Variants in PCLO observed in about 807,000 individuals in gnomAD.
PCLO encodes protein piccolo.
In PCLO, 82 loss-of-function variants were observed where a neutral mutation model predicts 427.5. The ratio of observed to expected loss-of-function variants is 0.19; its 90% confidence interval spans 0.16 to 0.23. The LOEUF is 0.23. Ranked by LOEUF, PCLO falls within the 10% of genes least tolerant of loss-of-function variation. PCLO has a pLI of 1.00. For missense variants in PCLO, 6,239 were observed against 6,115.9 expected (o/e 1.02, Z -0.67); for synonymous variants, 2,357 against 2,155.4 (o/e 1.09, Z -2.59).
intron 10 of PCLO, among the ~76,000 whole-genome samples, chr7:82,849,777 T>C (rs1426924606): frequency 6.6e-6 from 1 of 152,122 alleles, no homozygotes; most frequent in East Asian, 1.9e-4. Flanking sequence ...ATCTTGTCAT[T>C]TAATAGGTTT....
intron 6 of PCLO, among the ~76,000 whole-genome samples, chr7:82,918,058 G>C (rs1794509127): frequency 6.6e-6 from 1 of 151,792 alleles, no homozygotes; most frequent in Non-Finnish European, 1.5e-5. Context: ...AATCCTAAAG[G>C]TTTATTGAAG....
At chr7:82,945,610 T>C (rs879676939) in intron 6 of PCLO, among the ~76,000 whole-genome samples, 12 of 152,134 alleles carry the variant, frequency 7.9e-5, no homozygotes, top group Non-Finnish European at 1.0e-4. Flanking sequence ...GCCACCCAGT[T>C]TGTGGTACTG....
Position 82,955,312 on chromosome 7 carries a change from G to C in PCLO, c.5641C>G (p.Gln1881Glu), listed in dbSNP as rs1264503541. 1.9e-6 allele frequency: 3 copies of C among 1,613,296 alleles called. No homozygotes were observed. Among genetic ancestry groups the C allele is most frequent in the South Asian group, 2.2e-5 (2 of 90,952 alleles). ...GCTGTGGGCAATTTATAAACTTTTT[G>C]TACTTCTATTATTTTTTCCGGGCTT... ...EISPEKIIEVQKVYKLPTAVS... is the reference protein window; with the variant it reads ...EISPEKIIEVEKVYKLPTAVS... The change falls in exon 5 of 25, where the codon CAA becomes GAA. Residue 1881 changes from glutamine to glutamate, a missense_variant. Coordinates refer to ENST00000333891, the MANE Select transcript of PCLO (RefSeq NM_033026.6).
At chr7:83,040,450 A>G (rs1247460092) in intron 3 of PCLO, among the ~76,000 whole-genome samples, 3 of 152,110 alleles carry the variant, frequency 2.0e-5, no homozygotes, top group Admixed American at 2.0e-4. Context: ...GTTGTTTTCA[A>G]CAACGTCCTG....
At position 82,827,882 on chromosome 7, in the gene PCLO, G is replaced by T; in HGVS notation, c.14334C>A (p.Ser4778=). ...WNQTVIYKSI[S]MEQLKKKTLE... ...AATAATCTTGACATACCTGTTCCAT[G>T]GAAATACTTTTATAAATTACTGTTT... The change falls in exon 17 of 25, where the codon TCC becomes TCA. Residue 4778 remains serine, a synonymous_variant. Coordinates refer to ENST00000333891, the MANE Select transcript of PCLO (RefSeq NM_033026.6). The T allele has an allele frequency of 6.4e-7, 1 of 1,551,050 alleles. No homozygotes were observed. Among genetic ancestry groups the T allele is most frequent in the Non-Finnish European group, 8.9e-7 (1 of 1,125,658 alleles).
At chr7:82,943,750 G>A (rs958642102) in intron 6 of PCLO, among the ~76,000 whole-genome samples, 1 of 151,942 alleles carries the variant, frequency 6.6e-6, no homozygotes, top group African/African-American at 2.4e-5. Context: ...TCATAAACAT[G>A]GTACTAGAGA....
intron 9 of PCLO, among the ~76,000 whole-genome samples, chr7:82,883,154 T>A (rs1031482488): frequency 5.9e-5 from 9 of 152,038 alleles, no homozygotes; most frequent in African/African-American, 2.2e-4. Flanking sequence ...TATCCTAGAA[T>A]AAAAATATAT....
At chr7:83,125,044 G>A (rs544453551) in intron 3 of PCLO, among the ~76,000 whole-genome samples, 72 of 152,226 alleles carry the variant, frequency 4.7e-4, no homozygotes, top group African/African-American at 1.6e-3. Flanking sequence ...ACGGAGTCTC[G>A]CTTACTCAGT....
At chr7:82,943,174 T>C (rs1795123344) in intron 6 of PCLO, among the ~76,000 whole-genome samples, 1 of 152,156 alleles carries the variant, frequency 6.6e-6, no homozygotes, top group South Asian at 2.1e-4. Context: ...GCAAAGCATA[T>C]TCTTGTAAAA....
intron 9 of PCLO, among the ~76,000 whole-genome samples, chr7:82,897,688 T>A (rs1416527672): frequency 6.6e-6 from 1 of 151,514 alleles, no homozygotes; most frequent in Non-Finnish European, 1.5e-5. Context: ...ATACCATGGA[T>A]GACAAATGAA....
At chr7:82,902,524 T>A in intron 9 of PCLO, 127 bp downstream of exon 9, 1 of 591,008 alleles carries the variant, frequency 1.7e-6, no homozygotes. Context: ...CATGTATACA[T>A]ATGTAACTAA....
At chr7:83,099,816 A>T (rs548058636) in intron 3 of PCLO, among the ~76,000 whole-genome samples, 6 of 144,458 alleles carry the variant, frequency 4.2e-5, no homozygotes, top group African/African-American at 1.5e-4. Flanking sequence ...ACTCCATAAA[A>T]CACCTCTAAC....
intron 3 of PCLO, among the ~76,000 whole-genome samples, chr7:83,112,404 T>TA (rs1245798220): frequency 6.6e-6 from 1 of 152,184 alleles, no homozygotes; most frequent in Non-Finnish European, 1.5e-5. Flanking sequence ...ACAATCTAGC[T>TA]ACTGGGTATC....
rs202008590 is a variant in PCLO, at chr7:82,915,207, A to G, written c.12779T>C (p.Leu4260Pro). The G allele has an allele frequency of 9.1e-5, 146 of 1,612,244 alleles. No individual in the cohort carries two copies. The highest frequency in any genetic ancestry group is 8.3e-4 in the Middle Eastern group (5 of 6,054). ...TCCTAATGTGCCCAGTCCTGTGCCA[A>G]GAGAAGATCCCATAAATTTTTGTTG... ...TDQQKFMGSS[L>P]GTGLGTLGNT... Residue 4260 changes from leucine to proline, a missense_variant, in exon 7 of 25, where the codon CTT becomes CCT. Physicochemically the swap from Leu to Pro is moderately conservative, Grantham distance 98. Coordinates refer to ENST00000333891, the MANE Select transcript of PCLO (RefSeq NM_033026.6).
At chr7:83,038,327 A>G (rs1318949772) in intron 3 of PCLO, among the ~76,000 whole-genome samples, 1 of 151,042 alleles carries the variant, frequency 6.6e-6, no homozygotes, top group Non-Finnish European at 1.5e-5. Flanking sequence ...AATTATTTTT[A>G]TAACTTCAAA....
intron 3 of PCLO, among the ~76,000 whole-genome samples, chr7:83,116,230 G>T (rs1401009491): frequency 6.6e-6 from 1 of 151,214 alleles, no homozygotes; most frequent in Non-Finnish European, 1.5e-5. Context: ...TAATCTCAGA[G>T]TCATGTTCAC....
intron 3 of PCLO, among the ~76,000 whole-genome samples, chr7:82,998,678 C>A (rs535511252): frequency 6.6e-6 from 1 of 152,010 alleles, no homozygotes; most frequent in East Asian, 1.9e-4. Context: ...TTAGAGAATG[C>A]TTTCTCTGCC....
At position 83,134,365 on chromosome 7, in the gene PCLO, C is replaced by A. The variant is rs368907875; in HGVS notation, c.3185G>T (p.Cys1062Phe). Residue 1062 changes from cysteine (C) to phenylalanine (F), a missense_variant, in exon 3 of 25, where the codon TGC becomes TTC. Coordinates refer to ENST00000333891, the MANE Select transcript of PCLO (RefSeq NM_033026.6). ...AGAACCTATGTTGAGTTCAGTTTTG[C>A]AGAGAGGACAGGTTGATTCTGGTTT... ...SPKPESTCPL[C>F]KTELNIGSKD... is the part of the protein sequence containing the mutation. The A allele has an allele frequency of 5.6e-6, 9 of 1,613,362 alleles. No individual in the cohort carries two copies. In the African/African-American group the frequency reaches 9.3e-5, roughly 17 times the overall value.
intron 3 of PCLO, among the ~76,000 whole-genome samples, chr7:83,020,504 A>G (rs1207129273): frequency 6.6e-6 from 1 of 151,814 alleles, no homozygotes; most frequent in Non-Finnish European, 1.5e-5. Flanking sequence ...CATCACTTTT[A>G]CTCTCCCACT....
Sources: allele counts gnomAD v4.1 joint callset (sites outside exome capture counted in the v4.1 genomes callset), GRCh38; gene constraint gnomAD v4.1.1; transcripts MANE v1.5; gene names NCBI Gene and HGNC (gene_info 2026-07-23, HGNC 2026-07-21).